PTPRA: variants seen among roughly 807,000 people sequenced by gnomAD.
PTPRA encodes the protein receptor-type tyrosine-protein phosphatase alpha.
PTPRA carries 25 observed loss-of-function variants against 104.8 expected under a neutral mutation model. That is an observed-to-expected ratio of 0.24 (90% CI 0.17 to 0.33). The LOEUF (loss-of-function observed/expected upper bound fraction) is 0.33, where lower values mean the gene tolerates loss of function less well. Among genes scored for constraint, PTPRA ranks in the 10% least tolerant of loss-of-function variants. The pLI is 1.00. For missense variants in PTPRA, 765 were observed against 1,015.3 expected (o/e 0.75, Z 3.35); for synonymous variants, 323 against 368.9 (o/e 0.88, Z 1.43).
chr20:2,939,709 G>A (rs1226743461), intron 2 of PTPRA, among the ~76,000 whole-genome samples: 1 of 152,170 alleles, frequency 6.6e-6, no homozygotes, highest in Non-Finnish European at 1.5e-5. Flanking sequence ...TGTTGGGTCA[G>A]TCCTCATGTC....
At position 3,022,623 on chromosome 20, in the gene PTPRA, C is replaced by T; in HGVS notation, c.1329-66C>T. 6.2e-7 allele frequency: 1 copy of T among 1,602,058 alleles called. No homozygotes were observed. Among genetic ancestry groups the T allele is most frequent in the Non-Finnish European group, 8.5e-7 (1 of 1,172,204 alleles). On this transcript the variant is annotated intron_variant, in intron 15 of 23. Coordinates refer to ENST00000399903, the MANE Select transcript of PTPRA (RefSeq NM_001385305.1). The surrounding 1 kb of genome is among the most constrained non-coding windows in gnomAD (Gnocchi z 4.6). Reference sequence around the variant, plus strand: ...GAAGGAAGAGCCCCTGCCTGTGTTGCCCCTCCCTATCTGCTCCCACAAGGC... The same window carrying T: ...GAAGGAAGAGCCCCTGCCTGTGTTGTCCCTCCCTATCTGCTCCCACAAGGC...
Position 2,986,797 on chromosome 20 carries a change from C to T in PTPRA, c.475C>T (p.Leu159=), listed in dbSNP as rs771286129. 4.3e-6 allele frequency: 7 copies of T among 1,613,326 alleles called. No individual in the cohort carries two copies. In the Middle Eastern group the frequency reaches 5.0e-4, roughly 114 times the overall value. Residue 159 remains leucine, a synonymous_variant, in exon 7 of 24, where the codon CTG becomes TTG. Coordinates refer to ENST00000399903, the MANE Select transcript of PTPRA (RefSeq NM_001385305.1). Reference sequence around the variant, plus strand: ...ACCAATTATTGCGGTGATGGTGGCCCTGTCCTCTCTGCTAGTGATCGTGTT... The same window carrying T: ...ACCAATTATTGCGGTGATGGTGGCCTTGTCCTCTCTGCTAGTGATCGTGTT... The part of the protein sequence containing the change: ...ETPIIAVMVA[L]SSLLVIVFII...
intron 1 of PTPRA, among the ~76,000 whole-genome samples, chr20:2,906,259 T>A (rs1182192237): frequency 6.6e-6 from 1 of 152,240 alleles, no homozygotes; most frequent in Non-Finnish European, 1.5e-5. Flanking sequence ...GTTACATTTT[T>A]AAAATTACCT....
At chr20:2,987,919 A>G (rs763684798) in intron 7 of PTPRA, 113 bp from the exon 8 acceptor site, 5 of 1,069,226 alleles carry the variant, frequency 4.7e-6, no homozygotes, top group Non-Finnish European at 7.3e-6. Flanking sequence ...AAAAAGCCCG[A>G]TTATTTTTAA....
At chr20:2,965,457 A>C (rs2061909377) in intron 5 of PTPRA, among the ~76,000 whole-genome samples, 2 of 152,204 alleles carry the variant, frequency 1.3e-5, no homozygotes, top group African/African-American at 4.8e-5. Flanking sequence ...GTAGAGAAGA[A>C]GGCTTAAAAA....
chr20:3,034,547 T>C (rs1280157402), intron 20 of PTPRA, among the ~76,000 whole-genome samples: 1 of 145,304 alleles, frequency 6.9e-6, no homozygotes, highest in East Asian at 2.2e-4. Flanking sequence ...TGAGCCTTAA[T>C]GAGAATTTTT....
intron 20 of PTPRA, among the ~76,000 whole-genome samples, chr20:3,032,895 T>G (rs890562608): frequency 4.6e-5 from 7 of 150,564 alleles, no homozygotes; most frequent in African/African-American, 1.7e-4. Context: ...AATCCAAAGG[T>G]CATTTCTCTT....
intron 20 of PTPRA, among the ~76,000 whole-genome samples, chr20:3,028,468 T>C (rs946709636): frequency 6.6e-6 from 1 of 152,184 alleles, no homozygotes; most frequent in Non-Finnish European, 1.5e-5. Context: ...CAACTTCCTC[T>C]CAGTATAGGA....
chr20:3,000,002 T>A (rs892375985), intron 9 of PTPRA, among the ~76,000 whole-genome samples: 1 of 152,068 alleles, frequency 6.6e-6, no homozygotes, highest in African/African-American at 2.4e-5. Flanking sequence ...AGAAAATAAG[T>A]AGGCTGGGCG....
At chr20:3,011,525 T>C (rs2064168463) in intron 11 of PTPRA, among the ~76,000 whole-genome samples, 1 of 152,180 alleles carries the variant, frequency 6.6e-6, no homozygotes, top group South Asian at 2.1e-4. Flanking sequence ...AGCTCATTAT[T>C]GAAGAGTGAG....
chr20:2,869,179 C>CTA (rs1224465681), upstream of PTPRA, among the ~76,000 whole-genome samples: 1 of 152,204 alleles, frequency 6.6e-6, no homozygotes, highest in Admixed American at 6.5e-5. Flanking sequence ...TAGCATCTTA[C>CTA]TATATCACAC....
At chr20:2,901,481 A>G (rs949884277) in intron 1 of PTPRA, among the ~76,000 whole-genome samples, 3 of 152,178 alleles carry the variant, frequency 2.0e-5, no homozygotes, top group African/African-American at 7.2e-5. Context: ...GCTCCAGGGA[A>G]GGAGGGGTAG....
intron 6 of PTPRA, among the ~76,000 whole-genome samples, chr20:2,975,986 A>G (rs1475183440): frequency 6.6e-6 from 1 of 152,198 alleles, no homozygotes; most frequent in East Asian, 1.9e-4. Flanking sequence ...TTATTTAACC[A>G]TACACAATTT....
intron 6 of PTPRA, among the ~76,000 whole-genome samples, chr20:2,982,304 G>T (rs2062710474): frequency 6.6e-6 from 1 of 152,056 alleles, no homozygotes; most frequent in South Asian, 2.1e-4. Flanking sequence ...GGCCAGGCTG[G>T]TCTTGAACTC....
At chr20:2,991,027 G>A (rs1348620020) in intron 9 of PTPRA, among the ~76,000 whole-genome samples, 1 of 152,120 alleles carries the variant, frequency 6.6e-6, no homozygotes, top group Non-Finnish European at 1.5e-5. Context: ...TGGAAAAATA[G>A]CACCATTTAA....
rs755869534 is a variant in PTPRA at position 3,024,507 on chromosome 20, G to A, written c.1500G>A (p.Glu500=). The change falls in exon 17 of 24, where the codon GAG becomes GAA. Residue 500 remains glutamate, a synonymous_variant. Coordinates refer to ENST00000399903, the MANE Select transcript of PTPRA (RefSeq NM_001385305.1). Reference sequence around the variant, plus strand: ...TCTTCATATACCAAGCCCTTCTGGAGCATTATCTCTATGGAGATACAGAAC... The same window carrying A: ...TCTTCATATACCAAGCCCTTCTGGAACATTATCTCTATGGAGATACAGAAC... The part of the protein sequence containing the change: ...QYVFIYQALL[E]HYLYGDTELE... 9.9e-6 allele frequency: 16 copies of A among 1,613,688 alleles called. 1 individual carries two copies. In the Middle Eastern group the frequency reaches 5.0e-4, roughly 50 times the overall value.
At chr20:3,017,682 G>T in intron 12 of PTPRA, 134 bp from the exon 13 acceptor site, 1 of 678,622 alleles carries the variant, frequency 1.5e-6, no homozygotes, top group Admixed American at 2.4e-5. Context: ...CGGGGTGGAT[G>T]GATACATGGG....
chr20:2,948,515 G>A (rs1402389284), intron 3 of PTPRA, among the ~76,000 whole-genome samples: 1 of 152,042 alleles, frequency 6.6e-6, no homozygotes, highest in Non-Finnish European at 1.5e-5. Flanking sequence ...CTGTATGTTT[G>A]CCATACCATT....
chr20:2,898,135 C>T (rs1490286712), intron 1 of PTPRA, among the ~76,000 whole-genome samples: 6 of 150,938 alleles, frequency 4.0e-5, no homozygotes, highest in Admixed American at 1.3e-4. Context: ...CTTGCTCCGT[C>T]GCCCAGGCTG....
Sources: allele counts gnomAD v4.1 joint callset (sites outside exome capture counted in the v4.1 genomes callset), GRCh38; gene constraint gnomAD v4.1.1; non-coding constraint Gnocchi (gnomAD v3.1); transcripts MANE v1.5; gene names NCBI Gene and HGNC (gene_info 2026-07-23, HGNC 2026-07-21).